The following NCKAP5 variants were observed in gnomAD, a reference collection of about 807,000 sequenced individuals.
NCKAP5 encodes the protein nck-associated protein 5.
In NCKAP5, 92 loss-of-function variants were observed where a neutral mutation model predicts 167.0. That is an observed-to-expected ratio of 0.55 (90% CI 0.47 to 0.66). The LOEUF (loss-of-function observed/expected upper bound fraction) is 0.66, where lower values mean the gene tolerates loss of function less well. Among genes scored for constraint, NCKAP5 ranks in the 30% least tolerant of loss-of-function variants. The pLI is 0.00. For synonymous variants in NCKAP5, 891 were observed against 877.4 expected, an observed-to-expected ratio of 1.02 and a Z score of -0.27; for missense variants, 2,378 against 2,315.0, an observed-to-expected ratio of 1.03 and a Z score of -0.56.
intron 6 of NCKAP5, among the ~76,000 whole-genome samples, chr2:133,038,936 G>C (rs1319610434): frequency 6.6e-6 from 1 of 152,194 alleles, no homozygotes; most frequent in African/African-American, 2.4e-5. Flanking sequence ...AGATAGCAGA[G>C]ACTGCAAAAA....
chr2:133,663,257 A>G, the NCKAP5 span, among the ~76,000 whole-genome samples: 3 of 141,000 alleles, frequency 2.1e-5, no homozygotes, highest in Non-Finnish European at 4.5e-5. Flanking sequence ...TGGGCGGCAG[A>G]GCGAGACTCC....
chr2:132,941,549 T>C (rs373245878), intron 8 of NCKAP5, among the ~76,000 whole-genome samples: 1 of 152,150 alleles, frequency 6.6e-6, no homozygotes, highest in Non-Finnish European at 1.5e-5. Context: ...TGACCCTTTT[T>C]ACTATCTGGA....
intron 7 of NCKAP5, among the ~76,000 whole-genome samples, chr2:132,965,627 A>T (rs1406328866): frequency 2.0e-5 from 3 of 152,156 alleles, no homozygotes; most frequent in African/African-American, 7.2e-5. Flanking sequence ...ACACATATAC[A>T]CAGTCACACA....
chr2:132,742,593 T>C (rs537144755), intron 16 of NCKAP5, among the ~76,000 whole-genome samples: 2 of 152,058 alleles, frequency 1.3e-5, no homozygotes, highest in Admixed American at 1.3e-4. Flanking sequence ...ATTACAGATA[T>C]TTAATCAAAG....
chr2:133,316,647 C>A (rs1290235589), intron 3 of NCKAP5, among the ~76,000 whole-genome samples: 2 of 152,200 alleles, frequency 1.3e-5, no homozygotes, highest in Admixed American at 1.3e-4. Context: ...CTTATGGGCA[C>A]TGAACATAAA....
intron 8 of NCKAP5, among the ~76,000 whole-genome samples, chr2:132,916,805 G>C (rs1302104414): frequency 1.3e-5 from 2 of 151,800 alleles, no homozygotes; most frequent in Non-Finnish European, 2.9e-5. Context: ...TCAAGGGCAT[G>C]ATCTGTATCT....
intron 3 of NCKAP5, among the ~76,000 whole-genome samples, chr2:133,490,546 C>T (rs1419729232): frequency 1.3e-5 from 2 of 152,180 alleles, no homozygotes; most frequent in Admixed American, 1.3e-4. Flanking sequence ...AAGACAAGAA[C>T]AGAATAGGGC....
chr2:133,583,793 G>A, the NCKAP5 span, among the ~76,000 whole-genome samples: 3 of 151,544 alleles, frequency 2.0e-5, no homozygotes, highest in East Asian at 3.9e-4. Context: ...TCGCTCTGTC[G>A]CCCAGGCTGG....
chr2:133,654,773 C>T, the NCKAP5 span, among the ~76,000 whole-genome samples: 7 of 152,170 alleles, frequency 4.6e-5, no homozygotes, highest in African/African-American at 1.7e-4. Flanking sequence ...GATAGTTTGA[C>T]AAGTGTAATT....
chr2:133,083,048 C>T (rs1365062751), intron 6 of NCKAP5, among the ~76,000 whole-genome samples: 2 of 152,096 alleles, frequency 1.3e-5, no homozygotes, highest in Non-Finnish European at 2.9e-5. Flanking sequence ...TCTTGAGTGT[C>T]CAGCTGCAGG....
chr2:132,783,359 T>G lies in NCKAP5; in HGVS notation c.3452A>C (p.Lys1151Thr). Residue 1151 changes from lysine to threonine, a missense_variant, in exon 14 of 20, where the codon AAA becomes ACA. This residue lies in a region of NCKAP5 where 1,325 missense variants were observed against 1,274.5 expected (regional missense o/e 1.04). Coordinates refer to ENST00000409261, the MANE Select transcript of NCKAP5 (RefSeq NM_207363.3). Reference sequence around the variant, plus strand: ...CAGCTGGGGAGACTTCATGAGCACTTTGAGTCCCACTGGAAGGCGAGTTTT... The same window carrying G: ...CAGCTGGGGAGACTTCATGAGCACTGTGAGTCCCACTGGAAGGCGAGTTTT... ...GLKTRLPVGLKVLMKSPQLLR... is the reference protein window; with the variant it reads ...GLKTRLPVGLTVLMKSPQLLR... The G allele has an allele frequency of 6.2e-7, 1 of 1,611,942 alleles. No homozygotes were observed. The highest frequency in any genetic ancestry group is 8.5e-7 in the Non-Finnish European group (1 of 1,179,062).
At chr2:133,289,333 C>G (rs565036322) in intron 4 of NCKAP5, among the ~76,000 whole-genome samples, 35 of 150,684 alleles carry the variant, frequency 2.3e-4, no homozygotes, top group African/African-American at 8.5e-4. Flanking sequence ...CCTTTTTTTT[C>G]CATTGTCTTT....
At chr2:133,436,426 C>T (rs1350306846) in intron 3 of NCKAP5, among the ~76,000 whole-genome samples, 1 of 152,224 alleles carries the variant, frequency 6.6e-6, no homozygotes, top group African/African-American at 2.4e-5. Flanking sequence ...TATGGCCACA[C>T]CATAAAGAAG....
intron 5 of NCKAP5, among the ~76,000 whole-genome samples, chr2:133,143,146 C>T (rs905344168): frequency 6.6e-6 from 1 of 151,834 alleles, no homozygotes; most frequent in African/African-American, 2.4e-5. Context: ...CACAAATGTA[C>T]ATTTTTATAT....
chr2:133,109,614 T>C (rs1485356781), intron 6 of NCKAP5, among the ~76,000 whole-genome samples: 2 of 152,184 alleles, frequency 1.3e-5, no homozygotes, highest in African/African-American at 2.4e-5. Context: ...ATTACTTGTG[T>C]GATACAAAAA....
the NCKAP5 span, among the ~76,000 whole-genome samples, chr2:133,665,210 G>T: frequency 6.6e-6 from 1 of 152,164 alleles, no homozygotes; most frequent in Non-Finnish European, 1.5e-5. Context: ...TCACAACGTG[G>T]CTAACTGGAG....
chr2:133,451,820 G>A (rs1212361591), intron 3 of NCKAP5, among the ~76,000 whole-genome samples: 1 of 152,192 alleles, frequency 6.6e-6, no homozygotes, highest in Non-Finnish European at 1.5e-5. Context: ...ATGTATACTT[G>A]ATGAATGCTA....
intron 6 of NCKAP5, among the ~76,000 whole-genome samples, chr2:133,083,625 G>A (rs2080885515): frequency 6.6e-6 from 1 of 152,202 alleles, no homozygotes; most frequent in Non-Finnish European, 1.5e-5. Flanking sequence ...TATCAGGGTG[G>A]TGGTAGGTGC....
intron 4 of NCKAP5, among the ~76,000 whole-genome samples, chr2:133,266,884 G>T (rs979201977): frequency 6.6e-6 from 1 of 152,166 alleles, no homozygotes; most frequent in Non-Finnish European, 1.5e-5. Context: ...CCGGCGGGCG[G>T]CTCGGCTTGC....
Sources: gnomAD v4.1 joint callset for allele counts (sites outside exome capture counted in the v4.1 genomes callset) on GRCh38, gnomAD v4.1.1 for gene constraint, gnomAD v4.1.1 regional missense constraint, MANE v1.5 for transcripts, NCBI Gene and HGNC (gene_info 2026-07-23, HGNC 2026-07-21) for gene names.